Variants in RBFOX1 observed in about 807,000 individuals in gnomAD.
RBFOX1 encodes the protein RNA binding fox-1 homolog 1.
A neutral mutation model predicts 57.7 loss-of-function variants in RBFOX1; 8 were observed. That is an observed-to-expected ratio of 0.14 (90% CI 0.08 to 0.25). The LOEUF (loss-of-function observed/expected upper bound fraction) is 0.25. RBFOX1 is among the 10% of genes least tolerant of loss of function. RBFOX1 has a pLI of 1.00. For missense variants in RBFOX1, 611 were observed against 548.5 expected, an observed-to-expected ratio of 1.11 and a Z score of -1.14; for synonymous variants, 326 against 222.4, an observed-to-expected ratio of 1.47 and a Z score of -4.15.
chr16:6,011,891 G>C (rs1330699257), intron 4 of RBFOX1, among the ~76,000 whole-genome samples: 3 of 152,186 alleles, frequency 2.0e-5, no homozygotes, highest in Non-Finnish European at 4.4e-5. Context: ...AAATGGTGTT[G>C]GCTGGAACAC....
At chr16:5,910,939 G>T (rs1449764013) in intron 4 of RBFOX1, among the ~76,000 whole-genome samples, 1 of 152,148 alleles carries the variant, frequency 6.6e-6, no homozygotes, top group Non-Finnish European at 1.5e-5. Flanking sequence ...TCCTCCCTGT[G>T]TTCCCCAAAG....
chr16:5,977,373 C>T (rs1046518984), intron 4 of RBFOX1, among the ~76,000 whole-genome samples: 1 of 152,174 alleles, frequency 6.6e-6, no homozygotes, highest in African/African-American at 2.4e-5. Flanking sequence ...GCTCCCTGCC[C>T]TCCATGGTCA....
intron 5 of RBFOX1, among the ~76,000 whole-genome samples, chr16:7,562,760 G>T (rs531826328): frequency 1.3e-5 from 2 of 152,218 alleles, no homozygotes; most frequent in East Asian, 3.8e-4. Flanking sequence ...GGTCCCAGAG[G>T]TTGCACCTCA....
intron 1 of RBFOX1, among the ~76,000 whole-genome samples, chr16:5,371,711 C>T (rs2065860873): frequency 6.6e-6 from 1 of 152,142 alleles, no homozygotes; most frequent in South Asian, 2.1e-4. Context: ...GGTAATAAGC[C>T]CTGCTGGCCA....
chr16:7,321,071 C>CTATACATATACA (rs1555708875), intron 4 of RBFOX1, among the ~76,000 whole-genome samples: 7 of 72,846 alleles, frequency 9.6e-5, no homozygotes, highest in Non-Finnish European at 1.9e-4. Context: ...ATCTGTCTAT[C>CTATACATATACA]TATACGTATA....
At chr16:5,465,878 T>G (rs577700999) in intron 1 of RBFOX1, among the ~76,000 whole-genome samples, 1 of 152,300 alleles carries the variant, frequency 6.6e-6, no homozygotes, top group East Asian at 1.9e-4. Context: ...ATGTTGTGCC[T>G]GAGACCTTGG....
intron 3 of RBFOX1, among the ~76,000 whole-genome samples, chr16:5,860,782 T>A (rs2057193326): frequency 6.6e-6 from 1 of 152,088 alleles, no homozygotes; most frequent in Non-Finnish European, 1.5e-5. Flanking sequence ...CACAACATCA[T>A]GAAAAAAGCC....
chr16:7,351,232 G>A (rs1178032981), intron 4 of RBFOX1, among the ~76,000 whole-genome samples: 1 of 152,200 alleles, frequency 6.6e-6, no homozygotes, highest in Non-Finnish European at 1.5e-5. Flanking sequence ...TCTTGAACAG[G>A]TTCTTTTACC....
intron 2 of RBFOX1, among the ~76,000 whole-genome samples, chr16:5,509,018 C>G (rs1356317510): frequency 6.6e-6 from 1 of 152,224 alleles, no homozygotes; most frequent in Non-Finnish European, 1.5e-5. Context: ...TTCCTTCCCT[C>G]TCACTTACAC....
chr16:5,280,454 T>C (rs555762440), intron 1 of RBFOX1, among the ~76,000 whole-genome samples: 14 of 152,374 alleles, frequency 9.2e-5, no homozygotes, highest in South Asian at 2.1e-4. Flanking sequence ...CCTTATACAA[T>C]GAGTTAGGAA....
intron 2 of RBFOX1, among the ~76,000 whole-genome samples, chr16:5,485,998 A>C (rs574256782): frequency 6.6e-6 from 1 of 152,342 alleles, no homozygotes; most frequent in Non-Finnish European, 1.5e-5. Context: ...GCCAGCTCAT[A>C]GTCAGAATTC....
intron 3 of RBFOX1, among the ~76,000 whole-genome samples, chr16:6,845,070 C>G (rs891373497): frequency 2.6e-5 from 4 of 152,288 alleles, no homozygotes; most frequent in Admixed American, 2.6e-4. Context: ...CTTGTACACT[C>G]TGGATATTAG....
At chr16:7,191,083 A>G (rs1187074822) in intron 4 of RBFOX1, among the ~76,000 whole-genome samples, 1 of 152,150 alleles carries the variant, frequency 6.6e-6, no homozygotes, top group Admixed American at 6.5e-5. Context: ...TATCATTAGA[A>G]CATAATGAAA....
intron 1 of RBFOX1, among the ~76,000 whole-genome samples, chr16:5,441,860 C>T (rs2068094944): frequency 6.6e-6 from 1 of 152,142 alleles, no homozygotes; most frequent in South Asian, 2.1e-4. Context: ...TCACGAAAAA[C>T]AGATAGGGGA....
chr16:6,618,327 C>A (rs561853188), intron 2 of RBFOX1, among the ~76,000 whole-genome samples: 2 of 152,272 alleles, frequency 1.3e-5, no homozygotes, highest in East Asian at 1.9e-4. Context: ...TTACTTAAAA[C>A]GCAGTTTCAA....
intron 1 of RBFOX1, among the ~76,000 whole-genome samples, chr16:6,260,888 A>C (rs374257493): frequency 1.3e-5 from 2 of 152,280 alleles, no homozygotes; most frequent in East Asian, 3.9e-4. Context: ...CTCAAAAAAA[A>C]GGAAAGAAAA....
At chr16:6,280,345 C>A (rs1042151610) in intron 1 of RBFOX1, among the ~76,000 whole-genome samples, 4 of 152,168 alleles carry the variant, frequency 2.6e-5, no homozygotes, top group Non-Finnish European at 4.4e-5. Flanking sequence ...GTTTTCCTCT[C>A]TCTTCCTTTT....
Position 5,937,950 on chromosome 16 carries a change from A to G in RBFOX1, c.351+70615A>G, listed in dbSNP as rs998983081. On this transcript the variant is annotated intron_variant, in intron 4 of 19. Transcript: ENST00000641259. ...TCAAATATATGTTACAACAGGAGTA[A>G]CATCCATAAAGTTACTTTGCTTATT... 7.9e-5 allele frequency among the ~76,000 whole-genome samples: 12 copies of G among 152,212 alleles called. No homozygotes were observed. The South Asian group carries it at 1.9e-3, about 24-fold the overall frequency.
intron 4 of RBFOX1, among the ~76,000 whole-genome samples, chr16:7,297,721 T>C (rs765485431): frequency 1.3e-5 from 2 of 152,204 alleles, no homozygotes; most frequent in Non-Finnish European, 2.9e-5. Flanking sequence ...GCAATGATGA[T>C]AATATAACTG....
Sources: allele counts gnomAD v4.1 joint callset (sites outside exome capture counted in the v4.1 genomes callset), GRCh38; gene constraint gnomAD v4.1.1; transcripts MANE v1.5; gene names NCBI Gene and HGNC (gene_info 2026-07-23, HGNC 2026-07-21).